Variants in AFAP1L1 observed in about 807,000 individuals in gnomAD.
AFAP1L1 encodes the protein actin filament-associated protein 1-like 1.
AFAP1L1 carries 77 observed loss-of-function variants against 99.8 expected under a neutral mutation model. That is an observed-to-expected ratio of 0.77 (90% CI 0.64 to 0.93). The LOEUF (loss-of-function observed/expected upper bound fraction) is 0.93. Among genes scored for constraint, AFAP1L1 ranks in the 40% least tolerant of loss-of-function variants. The pLI, the probability that AFAP1L1 is intolerant of heterozygous loss-of-function variation, is 0.00. For synonymous variants in AFAP1L1, 373 were observed against 395.3 expected (o/e 0.94, Z 0.67); for missense variants, 893 against 996.8 (o/e 0.90, Z 1.40).
intron 1 of AFAP1L1, among the ~76,000 whole-genome samples, chr5:149,274,840 G>A (rs1381277501): frequency 6.7e-5 from 10 of 148,656 alleles, no homozygotes; most frequent in African/African-American, 2.5e-4. Flanking sequence ...AGCCGAGATC[G>A]AGCCATTGCA....
rs1757531479 is a variant in AFAP1L1, at chr5:149,340,487, A to G, written c.*457A>G. 6.2e-6 allele frequency: 1 copy of G among 160,056 alleles called. No individual in the cohort carries two copies. The highest frequency in any genetic ancestry group is 6.1e-5 in the Admixed American group (1 of 16,452). The allele number at this position is 160,056 out of a possible 1,614,324, so 9.9% of individuals were successfully genotyped here. On this transcript the variant is annotated 3_prime_UTR_variant, in exon 19 of 19. Transcript: ENST00000296721. The stretch of plus-strand genomic sequence containing the variant: ...CTGATCATCTGATCACACTTGTGCC[A>G]ACTTGATTCATATTGGGCATTACTA...
intron 5 of AFAP1L1, among the ~76,000 whole-genome samples, chr5:149,305,200 G>A (rs1185861481): frequency 6.6e-6 from 1 of 152,144 alleles, no homozygotes; most frequent in African/African-American, 2.4e-5. Context: ...AGCCAAGGTG[G>A]GAATTGCTCA....
rs1363090293 is a variant in AFAP1L1, at chr5:149,307,454, G to T, written c.588G>T (p.Glu196Asp). The T allele has an allele frequency of 6.2e-7, 1 of 1,614,050 alleles. No individual in the cohort carries two copies. The highest frequency in any genetic ancestry group is 8.5e-7 in the Non-Finnish European group (1 of 1,180,034). The change falls in exon 7 of 19, where the codon GAG becomes GAT. Residue 196 changes from glutamate (E) to aspartate (D), a missense_variant. Physicochemically the swap from Glu to Asp is conservative, Grantham distance 45. Transcript: ENST00000296721. ...CCTATGAGTCCTACGATGAAGAGGA[G>T]GAGGAAGGGAAGAGCCCGCAGCCCC... is the stretch of plus-strand genomic sequence containing the variant. ...SSSYESYDEE[E>D]EEGKSPQPRH...
At position 149,310,057 on chromosome 5, in the gene AFAP1L1, G is replaced by C. The variant is rs1421456122; in HGVS notation, c.849G>C (p.Glu283Asp). The C allele has an allele frequency of 1.2e-6, 2 of 1,614,214 alleles. No homozygotes were observed. Among genetic ancestry groups the C allele is most frequent in the Admixed American group, 1.7e-5 (1 of 60,024 alleles). Residue 283 changes from glutamate (E) to aspartate (D), a missense_variant, in exon 8 of 19, where the codon GAG becomes GAC. Glu to Asp is a conservative substitution (Grantham distance 45). Coordinates refer to ENST00000296721, the MANE Select transcript of AFAP1L1 (RefSeq NM_152406.4). ...VPKDSRHKRH[E>D]LRFTQGATEV... The stretch of plus-strand genomic sequence containing the variant: ...AGGACAGCCGGCACAAGAGGCACGA[G>C]CTGCGTTTCACCCAGGGGGCTACCG...
chr5:149,297,600 G>T (rs1033333614), intron 1 of AFAP1L1, among the ~76,000 whole-genome samples: 2 of 152,160 alleles, frequency 1.3e-5, no homozygotes, highest in East Asian at 3.8e-4. Flanking sequence ...CGAGTTTGGG[G>T]TGATGATGGA....
intron 1 of AFAP1L1, among the ~76,000 whole-genome samples, chr5:149,274,771 C>T (rs1188555021): frequency 1.3e-5 from 2 of 151,250 alleles, no homozygotes; most frequent in South Asian, 2.1e-4. Flanking sequence ...CCCAGCTACT[C>T]GAGAGGCTGC....
rs539718086 is a variant in AFAP1L1, at chr5:149,293,939, G to A, written c.17-5570G>A. The stretch of plus-strand genomic sequence containing the variant: ...CAAGAATCCCAATATACATGGGTCC[G>A]ACCCCAGAGCCCTAGCCACTGCACT... On this transcript the variant is annotated intron_variant, in intron 1 of 18. Coordinates refer to ENST00000296721, the MANE Select transcript of AFAP1L1 (RefSeq NM_152406.4). Among the ~76,000 whole-genome samples the A allele has an allele frequency of 6.0e-4, 92 of 152,218 alleles. 2 individuals carry two copies. Among genetic ancestry groups the A allele is most frequent in the African/African-American group, 1.8e-3 (76 of 41,530 alleles).
chr5:149,283,025 G>A (rs1030194742), intron 1 of AFAP1L1, among the ~76,000 whole-genome samples: 9 of 152,158 alleles, frequency 5.9e-5, no homozygotes, highest in Non-Finnish European at 1.3e-4. Flanking sequence ...TACCACCGGG[G>A]CAGCACCTAA....
chr5:149,336,436 G>A (rs1211096706), intron 18 of AFAP1L1, among the ~76,000 whole-genome samples: 1 of 152,202 alleles, frequency 6.6e-6, no homozygotes, highest in Non-Finnish European at 1.5e-5. Flanking sequence ...ATAAAAGTGT[G>A]GACCTGTCCT....
At position 149,320,572 on chromosome 5, in the gene AFAP1L1, G is replaced by C. The variant is rs1365319077; in HGVS notation, c.1698+109G>C. On this transcript the variant is annotated intron_variant, in intron 14 of 18. Transcript: ENST00000296721. This position sits in a 1 kb window ranked among gnomAD's most constrained non-coding sequence, Gnocchi z 4.0. ...CAGAAAGATCATTTTCATTTAAGCA[G>C]CAGTAGCTAGAAGGGGAGCCCCTTC... is the stretch of plus-strand genomic sequence containing the variant. The C allele has an allele frequency of 2.0e-6, 2 of 1,025,080 alleles. No individual in the cohort carries two copies. The highest frequency in any genetic ancestry group is 3.2e-5 in the African/African-American group (2 of 62,820). 63.5% of individuals were successfully genotyped at this position (1,025,080 alleles called of 1,614,324 possible).
Position 149,312,224 on chromosome 5 carries a change from G to T in AFAP1L1, c.1020+20G>T, listed in dbSNP as rs769776111. The T allele has an allele frequency of 1.6e-5, 26 of 1,612,210 alleles. No individual in the cohort carries two copies. The Admixed American group carries it at 4.2e-4, about 26-fold the overall frequency. ...GACAAGGTATATCTGTCTCCACTAA[G>T]TCTTCCCCAGGCCAGGCAGTGGCCA... On this transcript the variant is annotated intron_variant, in intron 9 of 18. Transcript: ENST00000296721.
rs1561691401 is a variant in AFAP1L1 at position 149,341,955 on chromosome 5, TTAAG to T, written c.*1927_*1930del. ...TCTTTCTTATGCAGTTATTTTGGGG[TTAAG>T]TGTCTTTTCTCACCAACAGATGAAC... On this transcript the variant is annotated 3_prime_UTR_variant, in exon 19 of 19. Coordinates refer to ENST00000296721, the MANE Select transcript of AFAP1L1 (RefSeq NM_152406.4). Among the ~76,000 whole-genome samples, 1 of 152,136 alleles carries T rather than the reference TTAAG, an allele frequency of 6.6e-6. No homozygotes were observed. Among genetic ancestry groups the T allele is most frequent in the African/African-American group, 2.4e-5 (1 of 41,418 alleles).
intron 10 of AFAP1L1, 60 bp downstream of exon 10, chr5:149,315,974 G>A: frequency 6.2e-7 from 1 of 1,602,886 alleles, no homozygotes; most frequent in Non-Finnish European, 8.5e-7. Flanking sequence ...CCTTGCCCAT[G>A]GGCACACAGC....
rs1266806143 is a variant in AFAP1L1, at chr5:149,283,566, C to CT, written c.16+11590dup. The stretch of plus-strand genomic sequence containing the variant: ...CATCTTAATTTATTCATTTTGTTCT[C>CT]TTTTTTTTCAAAAAGCTGTTGTTCA... On this transcript the variant is annotated intron_variant, in intron 1 of 18. Transcript: ENST00000296721. Among the ~76,000 whole-genome samples, 15 of 151,760 alleles carry CT rather than the reference C, an allele frequency of 9.9e-5. No homozygotes were observed. In the East Asian group the frequency reaches 1.5e-3, roughly 16 times the overall value.
intron 1 of AFAP1L1, among the ~76,000 whole-genome samples, chr5:149,281,113 A>G (rs544609299): frequency 3.2e-4 from 48 of 152,158 alleles, no homozygotes; most frequent in Non-Finnish European, 5.4e-4. Flanking sequence ...CCATGTGATC[A>G]TACACGCTGT....
Position 149,302,537 on chromosome 5 carries a change from G to A in AFAP1L1, c.436+11G>A. Reference sequence around the variant, plus strand: ...ACATCAGCTCCCACAGTAAGTTCTGGTCCTCTTGGTGGGGCTGGGGACTTC... The same window carrying A: ...ACATCAGCTCCCACAGTAAGTTCTGATCCTCTTGGTGGGGCTGGGGACTTC... On this transcript the variant is annotated intron_variant, in intron 5 of 18. Transcript: ENST00000296721. 1 of 1,564,804 alleles carries A rather than the reference G, an allele frequency of 6.4e-7. No homozygotes were observed. The highest frequency in any genetic ancestry group is 2.3e-5 in the East Asian group (1 of 42,700).
chr5:149,306,180 G>A (rs1178621033), intron 5 of AFAP1L1, 126 bp from the exon 6 acceptor site: 1 of 710,128 alleles, frequency 1.4e-6, no homozygotes, highest in Admixed American at 2.6e-5. Flanking sequence ...ACCCTGGCCT[G>A]AGCTGCTCAG....
At chr5:149,324,401 A>G (rs1757037718) in intron 15 of AFAP1L1, among the ~76,000 whole-genome samples, 1 of 152,122 alleles carries the variant, frequency 6.6e-6, no homozygotes, top group Non-Finnish European at 1.5e-5. Context: ...CTCGTGACCT[A>G]ATCACCTACC....
chr5:149,292,036 G>T (rs1755876118), intron 1 of AFAP1L1, among the ~76,000 whole-genome samples: 1 of 152,216 alleles, frequency 6.6e-6, no homozygotes, highest in Non-Finnish European at 1.5e-5. Flanking sequence ...AAGAGAAGTT[G>T]TATATTTTCC....
Sources: gnomAD v4.1 joint callset for allele counts (sites outside exome capture counted in the v4.1 genomes callset) on GRCh38, gnomAD v4.1.1 for gene constraint, Gnocchi (gnomAD v3.1) non-coding constraint, MANE v1.5 for transcripts, NCBI Gene and HGNC (gene_info 2026-07-23, HGNC 2026-07-21) for gene names.